SPAST: variants seen among roughly 807,000 people sequenced by gnomAD.
SPAST encodes spastin, also known as spastic paraplegia 4 (autosomal dominant; spastin).
SPAST carries 30 observed loss-of-function variants against 76.6 expected under a neutral mutation model. The observed-to-expected ratio is 0.39, with a 90% CI of 0.29 to 0.53. The LOEUF is 0.53. Ranked by LOEUF, SPAST falls within the 20% of genes least tolerant of loss-of-function variation. SPAST has a pLI of 0.68. For synonymous variants in SPAST, 305 were observed against 281.0 expected (o/e 1.09, Z -0.86); for missense variants, 717 against 770.5 (o/e 0.93, Z 0.82).
intron 15 of SPAST, among the ~76,000 whole-genome samples, chr2:32,146,126 C>T (rs1343471488): frequency 1.3e-5 from 2 of 152,164 alleles, no homozygotes; most frequent in South Asian, 4.1e-4. Context: ...AATTTTCTTG[C>T]TGCTGGAGCT....
intron 4 of SPAST, among the ~76,000 whole-genome samples, chr2:32,100,297 G>T: frequency 6.7e-6 from 1 of 148,548 alleles, no homozygotes; most frequent in East Asian, 1.9e-4. Flanking sequence ...TGTTTTTGAC[G>T]GTCCAGCTAG....
chr2:32,154,524 A>G lies in SPAST; in HGVS notation c.*28A>G. On this transcript the variant is annotated 3_prime_UTR_variant, in exon 17 of 17. Transcript: ENST00000315285. ...AAATACCTTTGTAAACCTGCAGAAC[A>G]TTTTACTTAAAAGAGGAAACACAAG... 1 of 1,611,594 alleles carries G rather than the reference A, an allele frequency of 6.2e-7. No individual in the cohort carries two copies. The highest frequency in any genetic ancestry group is 8.5e-7 in the Non-Finnish European group (1 of 1,177,874).
intron 7 of SPAST, 145 bp from the exon 8 acceptor site, chr2:32,126,803 T>C: frequency 1.6e-6 from 1 of 623,746 alleles, no homozygotes; most frequent in South Asian, 1.9e-5. Flanking sequence ...ATTATTACAT[T>C]AATTTATGAT....
chr2:32,068,893 CAAAA>C (rs550306120), intron 1 of SPAST, among the ~76,000 whole-genome samples: 2 of 104,116 alleles, frequency 1.9e-5, no homozygotes, highest in Admixed American at 1.0e-4. Flanking sequence ...GAGACTCCAT[CAAAA>C]AAAAAAAAAA....
chr2:32,094,299 A>G (rs570034857), intron 3 of SPAST, among the ~76,000 whole-genome samples: 1 of 151,934 alleles, frequency 6.6e-6, no homozygotes, highest in South Asian at 2.1e-4. Context: ...GCTCACTGCA[A>G]CCTCTGCCTC....
chr2:32,142,078 C>A, intron 13 of SPAST, 132 bp downstream of exon 13: 1 of 737,708 alleles, frequency 1.4e-6, no homozygotes, highest in Non-Finnish European at 2.3e-6. Flanking sequence ...AAAAGATGTA[C>A]ATAAGCTTAC....
At position 32,063,879 on chromosome 2, in the gene SPAST, C is replaced by A; in HGVS notation, c.48C>A (p.Ala16=). Residue 16 remains alanine (A), a synonymous_variant, in exon 1 of 17, where the codon GCC becomes GCA. Transcript: ENST00000315285. Reference sequence around the variant, plus strand: ...GGAAGAAGAAAGGCTCCGGCGGCGCCAGCAACCCGGTGCCTCCCAGGCCTC... The same window carrying A: ...GGAAGAAGAAAGGCTCCGGCGGCGCAAGCAACCCGGTGCCTCCCAGGCCTC... ...GRGKKKGSGG[A]SNPVPPRPPP... 1 of 1,585,396 alleles carries A rather than the reference C, an allele frequency of 6.3e-7. No individual in the cohort carries two copies. The highest frequency in any genetic ancestry group is 2.2e-4 in the Middle Eastern group (1 of 4,642).
intron 9 of SPAST, among the ~76,000 whole-genome samples, chr2:32,133,629 G>A (rs912193687): frequency 4.7e-5 from 7 of 150,202 alleles, no homozygotes; most frequent in Non-Finnish European, 7.4e-5. Flanking sequence ...TTATATGTTC[G>A]AACAGTTAAC....
intron 3 of SPAST, among the ~76,000 whole-genome samples, chr2:32,091,106 G>A (rs1043007435): frequency 6.6e-6 from 1 of 151,900 alleles, no homozygotes; most frequent in Non-Finnish European, 1.5e-5. Flanking sequence ...TACTACATAT[G>A]AGTGGCTCTA....
chr2:32,140,780 T>G (rs1679691424), intron 12 of SPAST, among the ~76,000 whole-genome samples: 1 of 151,826 alleles, frequency 6.6e-6, no homozygotes, highest in Non-Finnish European at 1.5e-5. Flanking sequence ...TAAAAAAAAT[T>G]AAATTTTTAA....
intron 7 of SPAST, among the ~76,000 whole-genome samples, chr2:32,116,559 A>T (rs1000464658): frequency 6.6e-6 from 1 of 152,102 alleles, no homozygotes; most frequent in African/African-American, 2.4e-5. Context: ...TCTGCGTCCC[A>T]GAATTCAAGT....
intron 16 of SPAST, among the ~76,000 whole-genome samples, chr2:32,152,825 G>A (rs931270982): frequency 1.3e-5 from 2 of 151,528 alleles, no homozygotes; most frequent in African/African-American, 2.4e-5. Flanking sequence ...ATGGCTCACT[G>A]CAGCCTCAAC....
intron 11 of SPAST, 32 bp downstream of exon 11, chr2:32,137,000 C>T (rs1250407224): frequency 1.3e-6 from 2 of 1,547,074 alleles, no homozygotes; most frequent in Non-Finnish European, 1.8e-6. Context: ...TTTAATGTGG[C>T]AGCATTTTAG....
At chr2:32,103,025 C>A (rs1258199311) in intron 4 of SPAST, among the ~76,000 whole-genome samples, 4 of 152,104 alleles carry the variant, frequency 2.6e-5, no homozygotes, top group Non-Finnish European at 5.9e-5. Flanking sequence ...TGATTGGAAT[C>A]ATTTCAGAAG....
chr2:32,116,395 G>A (rs1165670590), intron 7 of SPAST, among the ~76,000 whole-genome samples, 183 bp downstream of exon 7: 2 of 152,152 alleles, frequency 1.3e-5, no homozygotes, highest in Non-Finnish European at 2.9e-5. Flanking sequence ...TTATAGAATA[G>A]GAAAATGGAT....
intron 1 of SPAST, among the ~76,000 whole-genome samples, chr2:32,080,350 A>T (rs1442051342): frequency 6.6e-6 from 1 of 152,162 alleles, no homozygotes; most frequent in African/African-American, 2.4e-5. Flanking sequence ...GGTAAGATTG[A>T]CCCAGTAAAA....
intron 1 of SPAST, among the ~76,000 whole-genome samples, chr2:32,080,137 CGTT>C (rs1484759762): frequency 2.6e-5 from 4 of 152,082 alleles, no homozygotes; most frequent in Admixed American, 6.6e-5. Flanking sequence ...AGTGGTATCT[CGTT>C]GTGATTTTGA....
chr2:32,130,194 C>G (rs1679323495), intron 9 of SPAST: 1 of 152,170 alleles, frequency 6.6e-6, no homozygotes, highest in African/African-American at 2.4e-5. Flanking sequence ...AATCAGGAGG[C>G]TGAGGTGGGA....
chr2:32,073,426 T>C (rs1370899025), intron 1 of SPAST, among the ~76,000 whole-genome samples: 1 of 152,218 alleles, frequency 6.6e-6, no homozygotes, highest in Non-Finnish European at 1.5e-5. Flanking sequence ...GTAGTTGGGT[T>C]TTTGATGTCT....
Sources: gnomAD v4.1 joint callset for allele counts (sites outside exome capture counted in the v4.1 genomes callset) on GRCh38, gnomAD v4.1.1 for gene constraint, MANE v1.5 for transcripts, NCBI Gene and HGNC (gene_info 2026-07-23, HGNC 2026-07-21) for gene names.